The following TG variants were observed in gnomAD, a reference collection of about 807,000 sequenced individuals.
The protein encoded by TG is thyroid hormones.
Under a neutral mutation model 324.7 loss-of-function variants are expected in TG, and 270 were observed. That is an observed-to-expected ratio of 0.83 (90% CI 0.75 to 0.92). The LOEUF is 0.92. TG is among the 40% of genes least tolerant of loss of function. TG has a pLI of 0.00. For synonymous variants in TG, 1,401 were observed against 1,327.0 expected, an observed-to-expected ratio of 1.06 and a Z score of -1.21; for missense variants, 3,591 against 3,456.4, an observed-to-expected ratio of 1.04 and a Z score of -0.98.
rs187859779 is a variant in TG, at chr8:132,886,779, A to C, written c.1407A>C (p.Gln469His). ...QFTTNPKRLQ[Q>H]NLFGGKFLVN... ...CCACCAACCCAAAGAGACTCCAGCA[A>C]AACCTTTTTGGAGGGAAATTTTTGG... Residue 469 changes from glutamine to histidine, a missense_variant, in exon 9 of 48, where the codon CAA becomes CAC. Transcript: ENST00000220616. 1 of 1,614,202 alleles carries C rather than the reference A, an allele frequency of 6.2e-7. No homozygotes were observed. The highest frequency in any genetic ancestry group is 8.5e-7 in the Non-Finnish European group (1 of 1,180,048).
chr8:132,884,826 G>A (rs1033039513), intron 8 of TG, among the ~76,000 whole-genome samples: 15 of 152,212 alleles, frequency 9.9e-5, no homozygotes, highest in African/African-American at 3.6e-4. Context: ...CATGGAAACA[G>A]TAATTGAATT....
chr8:133,126,261 G>A (rs1851509366), intron 45 of TG, among the ~76,000 whole-genome samples: 1 of 152,086 alleles, frequency 6.6e-6, no homozygotes, highest in South Asian at 2.1e-4. Context: ...TTCCAGTCTG[G>A]GATCCATGAA....
At chr8:132,896,908 A>G (rs1363828950) in intron 11 of TG, among the ~76,000 whole-genome samples, 2 of 152,154 alleles carry the variant, frequency 1.3e-5, no homozygotes, top group Non-Finnish European at 1.5e-5. Context: ...TGGGTCGGGG[A>G]CTGCAAGAGC....
chr8:132,882,809 T>C lies in TG; in HGVS notation c.890-5T>C. The stretch of plus-strand genomic sequence containing the variant: ...TGTCTTCTTTACTGTGTGGATTTCC[T>C]CTAGGCCCCACAAAATGTGAAGTGG... On this transcript the variant is annotated splice_region_variant and splice_polypyrimidine_tract_variant and intron_variant, in intron 7 of 47. Coordinates refer to ENST00000220616, the MANE Select transcript of TG (RefSeq NM_003235.5). 1 of 1,614,192 alleles carries C rather than the reference T, an allele frequency of 6.2e-7. No homozygotes were observed. The highest frequency in any genetic ancestry group is 8.5e-7 in the Non-Finnish European group (1 of 1,180,042).
At chr8:132,988,092 A>ACACAC (rs1404731196) in intron 35 of TG, among the ~76,000 whole-genome samples, 26 of 151,710 alleles carry the variant, frequency 1.7e-4, no homozygotes, top group African/African-American at 5.3e-4. Flanking sequence ...ACACACACAC[A>ACACAC]CACACACACA....
At chr8:133,096,869 C>G (rs1284298563) in intron 43 of TG, among the ~76,000 whole-genome samples, 2 of 152,224 alleles carry the variant, frequency 1.3e-5, no homozygotes, top group Admixed American at 1.3e-4. Context: ...CTTTGTGTGG[C>G]TTGCTGGAGG....
chr8:133,126,028 C>G (rs577904520), intron 45 of TG, among the ~76,000 whole-genome samples: 2 of 152,104 alleles, frequency 1.3e-5, no homozygotes, highest in South Asian at 4.1e-4. Flanking sequence ...TTATCAAATG[C>G]GATGGTCAGT....
At chr8:133,130,619 C>T (rs1851866916) in intron 45 of TG, among the ~76,000 whole-genome samples, 1 of 152,162 alleles carries the variant, frequency 6.6e-6, no homozygotes, top group African/African-American at 2.4e-5. Flanking sequence ...CCTTTCACAA[C>T]TTTGAATGGT....
At chr8:133,048,110 A>C (rs1165772998) in intron 41 of TG, among the ~76,000 whole-genome samples, 1 of 152,230 alleles carries the variant, frequency 6.6e-6, no homozygotes, top group Non-Finnish European at 1.5e-5. Flanking sequence ...GTGATTAAGT[A>C]GTTTGCTCAG....
At chr8:133,044,413 A>T (rs1485846346) in intron 41 of TG, among the ~76,000 whole-genome samples, 1 of 152,150 alleles carries the variant, frequency 6.6e-6, no homozygotes, top group Admixed American at 6.5e-5. Context: ...ACAAAAATGA[A>T]TTAAATGTAA....
intron 27 of TG, among the ~76,000 whole-genome samples, chr8:132,960,609 T>C (rs1827601309): frequency 6.6e-6 from 1 of 152,214 alleles, no homozygotes; most frequent in Non-Finnish European, 1.5e-5. Context: ...GTATTCCCAT[T>C]CTCAAAATCG....
chr8:132,879,452 G>T lies in TG; in HGVS notation c.639-2411G>T, dbSNP rs369456657. On this transcript the variant is annotated intron_variant, in intron 5 of 47. Transcript: ENST00000220616. ...GGGAAGTGGAGATTTTTAAAGAGTTGTGAGAATTAAATGAGACAAATATGG... is the reference window on the plus strand; with the variant it reads ...GGGAAGTGGAGATTTTTAAAGAGTTTTGAGAATTAAATGAGACAAATATGG... Among the ~76,000 whole-genome samples the T allele has an allele frequency of 5.3e-4, 81 of 152,350 alleles. 2 individuals are homozygous for T. In the East Asian group the frequency reaches 9.6e-3, roughly 18 times the overall value.
rs190327914 is a variant in TG, at chr8:133,129,788, C to T, written c.7863-2024C>T. Among the ~76,000 whole-genome samples, 19 of 152,286 alleles carry T rather than the reference C, an allele frequency of 1.2e-4. No individual in the cohort carries two copies. The East Asian group carries it at 2.7e-3, about 22-fold the overall frequency. ...CTGGGATTATAGCCATGAGCCATCA[C>T]GCCCAGCTGATTATTTATCAGGTCA... On this transcript the variant is annotated intron_variant, in intron 45 of 47. Transcript: ENST00000220616.
At chr8:132,894,069 G>C in intron 11 of TG, 140 bp downstream of exon 11, 1 of 1,306,294 alleles carries the variant, frequency 7.7e-7, no homozygotes, top group Non-Finnish European at 1.1e-6. Flanking sequence ...AAAAGGCAAA[G>C]TGGTTTGGGG....
chr8:132,934,783 AAC>A (rs1055789469), intron 24 of TG, among the ~76,000 whole-genome samples: 2 of 152,206 alleles, frequency 1.3e-5, no homozygotes, highest in African/African-American at 4.8e-5. Context: ...CTGGGAACAA[AAC>A]ACACCAATTT....
At chr8:132,998,857 A>G (rs1056642682) in intron 35 of TG, among the ~76,000 whole-genome samples, 2 of 152,214 alleles carry the variant, frequency 1.3e-5, no homozygotes, top group Non-Finnish European at 2.9e-5. Context: ...TGAAGCAGAC[A>G]AGAAACTGAG....
rs1186617211 is a variant in TG at position 133,112,304 on chromosome 8, C to T, written c.7573-1118C>T. On this transcript the variant is annotated intron_variant, in intron 43 of 47. Transcript: ENST00000220616. ...CCAGAGTGTGCTGATAAGCACGTTG[C>T]ACCGTTTACATAAGGTCCTAGAAAT... Among the ~76,000 whole-genome samples, 5 of 152,252 alleles carry T rather than the reference C, an allele frequency of 3.3e-5. No homozygotes were observed. The South Asian group carries it at 8.3e-4, about 25-fold the overall frequency.
rs774900848 is a variant in TG, at chr8:132,893,849, C to A, written c.2921C>A (p.Pro974Gln). 1.9e-6 allele frequency: 3 copies of A among 1,614,040 alleles called. No homozygotes were observed. The highest frequency in any genetic ancestry group is 2.5e-6 in the Non-Finnish European group (3 of 1,179,942). Residue 974 changes from proline to glutamine, a missense_variant, in exon 11 of 48, where the codon CCG becomes CAG. Pro to Gln is a moderately conservative substitution (Grantham distance 76). Transcript: ENST00000220616. ...AGGAATGAGGACCTCGGCCTTCCTC[C>A]GCTCTTCCCGCCCCGGGAGGCTTTC... The part of the protein sequence containing the change: ...RLRNEDLGLP[P>Q]LFPPREAFAE...
chr8:133,053,173 A>G (rs1235041958), intron 41 of TG, among the ~76,000 whole-genome samples: 1 of 152,152 alleles, frequency 6.6e-6, no homozygotes, highest in Non-Finnish European at 1.5e-5. Context: ...CAGAGGCTCC[A>G]GAGGAGGCTC....
Sources: allele counts gnomAD v4.1 joint callset (sites outside exome capture counted in the v4.1 genomes callset), GRCh38; gene constraint gnomAD v4.1.1; transcripts MANE v1.5; gene names NCBI Gene and HGNC (gene_info 2026-07-23, HGNC 2026-07-21).